ELOA: variants seen among roughly 807,000 people sequenced by gnomAD.
The protein encoded by ELOA is elongin-A.
A neutral mutation model predicts 85.2 loss-of-function variants in ELOA; 15 were observed. The ratio of observed to expected loss-of-function variants is 0.18; its 90% CI spans 0.12 to 0.27. The LOEUF (loss-of-function observed/expected upper bound fraction) is 0.27, where lower values mean the gene tolerates loss of function less well. Ranked by LOEUF, ELOA falls within the 10% of genes least tolerant of loss-of-function variation. ELOA has a pLI of 1.00. For missense variants in ELOA, 769 were observed against 952.7 expected (o/e 0.81, Z 2.54); for synonymous variants, 348 against 357.2 (o/e 0.97, Z 0.29).
chr1:23,759,141 G>C (rs1314215437), intron 10 of ELOA, among the ~76,000 whole-genome samples: 3 of 152,228 alleles, frequency 2.0e-5, no homozygotes, highest in Non-Finnish European at 4.4e-5. Context: ...CTGTGATTGT[G>C]CCAATGCACC....
chr1:23,758,249 T>TTC, intron 10 of ELOA, among the ~76,000 whole-genome samples: 1 of 55,848 alleles, frequency 1.8e-5, no homozygotes, highest in Non-Finnish European at 3.1e-5. Flanking sequence ...GTCTTCCAAT[T>TTC]TATTTATTTA....
chr1:23,758,247 A>ATTTT lies in ELOA; in HGVS notation c.2257+1125_2257+1126insTTTT, dbSNP rs1338294015. On this transcript the variant is annotated intron_variant, in intron 10 of 10. Transcript: ENST00000613537. ...TCTTTATATCTAATTGGGTCTTCCA[A>ATTTT]TTTATTTATTTATTTTTTTTTTTTT... is the stretch of plus-strand genomic sequence containing the variant. Among the ~76,000 whole-genome samples, 16 of 56,778 alleles carry ATTTT rather than the reference A, an allele frequency of 2.8e-4. 1 individual carries two copies. The highest frequency in any genetic ancestry group is 7.1e-4 in the East Asian group (1 of 1,406). The allele number at this position is 56,778 out of a possible 152,430, so 37.2% of individuals were successfully genotyped here.
rs141891528 is a variant in ELOA at position 23,752,000 on chromosome 1, G to A, written c.1395G>A (p.Pro465=). The change falls in exon 4 of 11, where the codon CCG becomes CCA. Residue 465 remains proline (P), a synonymous_variant. Transcript: ENST00000613537. Reference sequence around the variant, plus strand: ...TGAACAAAACCAAGTCAGAGAAGCCGGCTGGAGCTGATTTAGCCAAGCTGA... The same window carrying A: ...TGAACAAAACCAAGTCAGAGAAGCCAGCTGGAGCTGATTTAGCCAAGCTGA... ...PKVNKTKSEK[P]AGADLAKLRK... The A allele has an allele frequency of 2.8e-4, 454 of 1,603,350 alleles. 2 individuals are homozygous for A. The African/African-American group carries it at 5.0e-3, about 18-fold the overall frequency.
At chr1:23,749,161 A>G (rs1490060119) in intron 2 of ELOA, 84 bp downstream of exon 2, 19 of 1,234,338 alleles carry the variant, frequency 1.5e-5, no homozygotes, top group Middle Eastern at 3.7e-4. Context: ...GGTTACAAGT[A>G]TGGGCTTTGG....
intron 1 of ELOA, among the ~76,000 whole-genome samples, chr1:23,747,267 T>C (rs533334499): frequency 6.6e-6 from 1 of 152,384 alleles, no homozygotes; most frequent in African/African-American, 2.4e-5. Flanking sequence ...TGCCGCTCTA[T>C]TTTCATTTCC....
chr1:23,744,183 C>T (rs766916847), intron 1 of ELOA: 1 of 152,260 alleles, frequency 6.6e-6, no homozygotes, highest in African/African-American at 2.4e-5. Flanking sequence ...TAAGCATACT[C>T]CTGAAAACTT....
intron 9 of ELOA, 133 bp from the exon 10 acceptor site, chr1:23,756,820 T>G: frequency 1.2e-6 from 1 of 822,826 alleles, no homozygotes; most frequent in South Asian, 2.8e-5. Context: ...ACCACCAGAA[T>G]CCAGGGTGAT....
chr1:23,757,183 A>C, intron 10 of ELOA, 58 bp downstream of exon 10: 1 of 1,479,140 alleles, frequency 6.8e-7, no homozygotes, highest in African/African-American at 1.4e-5. Context: ...TTAACTCTCA[A>C]TGTCATTATT....
In ELOA at chr1:23,759,671, T is replaced by C; in HGVS notation, c.*98T>C. 1.4e-6 allele frequency: 2 copies of C among 1,430,830 alleles called. No individual in the cohort carries two copies. The highest frequency in any genetic ancestry group is 2.0e-6 in the Non-Finnish European group (2 of 1,020,380). The allele number at this position is 1,430,830 out of a possible 1,614,324, so 88.6% of individuals were successfully genotyped here. On this transcript the variant is annotated 3_prime_UTR_variant, in exon 11 of 11. Transcript: ENST00000613537. ...TTCTACAGGAGACTGGAGTCTTGCTTTGTGGATCCTTTTGGTCTCCGAGTC... is the reference window on the plus strand; with the variant it reads ...TTCTACAGGAGACTGGAGTCTTGCTCTGTGGATCCTTTTGGTCTCCGAGTC...
intron 10 of ELOA, among the ~76,000 whole-genome samples, chr1:23,757,736 C>T (rs1036119948): frequency 1.3e-5 from 2 of 151,422 alleles, no homozygotes; most frequent in Admixed American, 6.6e-5. Flanking sequence ...CCTGACCTCG[C>T]GATCTGCCCG....
intron 9 of ELOA, 73 bp from the exon 10 acceptor site, chr1:23,756,880 C>A: frequency 7.2e-7 from 1 of 1,398,338 alleles, no homozygotes; most frequent in South Asian, 1.8e-5. Flanking sequence ...CTCACACAGG[C>A]CAGCTTCAGG....
Position 23,751,192 on chromosome 1 carries a change from C to A in ELOA, c.587C>A (p.Ser196Tyr). 6.2e-7 allele frequency: 1 copy of A among 1,614,210 alleles called. No homozygotes were observed. Among genetic ancestry groups the A allele is most frequent in the Non-Finnish European group, 8.5e-7 (1 of 1,180,044 alleles). The part of the protein sequence containing the change: ...PHQMYVDHYR[S>Y]LEEDQEPIVS... Reference sequence around the variant, plus strand: ...CAGATGTACGTCGACCACTACAGATCCCTGGAGGAGGACCAGGAGCCCATT... The same window carrying A: ...CAGATGTACGTCGACCACTACAGATACCTGGAGGAGGACCAGGAGCCCATT... The change falls in exon 4 of 11, where the codon TCC becomes TAC. Residue 196 changes from serine (S) to tyrosine (Y), a missense_variant. By Grantham distance (144) the Ser-to-Tyr change is moderately radical (BLOSUM62 -2). Around this residue, in one of 4 missense-constraint regions of ELOA, gnomAD observed 440 missense variants for 474.0 expected, o/e 0.93. Coordinates refer to ENST00000613537, the MANE Select transcript of ELOA (RefSeq NM_003198.3).
intron 1 of ELOA, among the ~76,000 whole-genome samples, chr1:23,748,763 G>A (rs1644757279): frequency 1.3e-5 from 2 of 152,072 alleles, no homozygotes; most frequent in Admixed American, 6.6e-5. Flanking sequence ...ATTTCCCCTT[G>A]GTGTAGCACA....
At chr1:23,745,453 C>A (rs771475632) in intron 1 of ELOA, among the ~76,000 whole-genome samples, 1 of 150,870 alleles carries the variant, frequency 6.6e-6, no homozygotes, top group East Asian at 1.9e-4. Context: ...AGTTGATTTG[C>A]ATGAAATACA....
At chr1:23,752,284 G>T in intron 4 of ELOA, 123 bp from the exon 5 acceptor site, 1 of 927,456 alleles carries the variant, frequency 1.1e-6, no homozygotes, top group African/African-American at 1.7e-5. Context: ...ACATGACTGT[G>T]GCCCCCTCCA....
rs576174328 is a variant in ELOA at position 23,744,999 on chromosome 1, G to A, written c.75+1421G>A. Among the ~76,000 whole-genome samples, 4 of 152,286 alleles carry A rather than the reference G, an allele frequency of 2.6e-5. No homozygotes were observed. The South Asian group carries it at 8.3e-4, about 32-fold the overall frequency. On this transcript the variant is annotated intron_variant, in intron 1 of 10. Transcript: ENST00000613537. Reference sequence around the variant, plus strand: ...CTTTACCTTGTTCTAGCCTGTTGGAGGTAGGGTTTCTGCAATTCCAAAGGC... The same window carrying A: ...CTTTACCTTGTTCTAGCCTGTTGGAAGTAGGGTTTCTGCAATTCCAAAGGC...
In ELOA at chr1:23,754,470, C is replaced by G. The variant is rs757885330; in HGVS notation, c.1791+10C>G. On this transcript the variant is annotated intron_variant, in intron 7 of 10. Transcript: ENST00000613537. Reference sequence around the variant, plus strand: ...AGAGGAATACAATCATGTGAGTATTCTGTTTGGGTGGGAAGAGGGCAGTTT... The same window carrying G: ...AGAGGAATACAATCATGTGAGTATTGTGTTTGGGTGGGAAGAGGGCAGTTT... 6.2e-7 allele frequency: 1 copy of G among 1,611,878 alleles called. No homozygotes were observed. Among genetic ancestry groups the G allele is most frequent in the Non-Finnish European group, 8.5e-7 (1 of 1,178,034 alleles).
rs776228044 is a variant in ELOA, at chr1:23,751,762, G to A, written c.1157G>A (p.Gly386Asp). ...ACTAATTTGGATAGAAAGTCACTGGGCTCCCTCCCTAAAGTTGAGGAGACA... is the reference window on the plus strand; with the variant it reads ...ACTAATTTGGATAGAAAGTCACTGGACTCCCTCCCTAAAGTTGAGGAGACA... ...VKTNLDRKSL[G>D]SLPKVEETDM... Residue 386 changes from glycine to aspartate, a missense_variant, in exon 4 of 11, where the codon GGC (glycine) becomes GAC (aspartate). Coordinates refer to ENST00000613537, the MANE Select transcript of ELOA (RefSeq NM_003198.3). The A allele has an allele frequency of 1.9e-6, 3 of 1,614,048 alleles. No homozygotes were observed. In the East Asian group the frequency reaches 6.7e-5, roughly 36 times the overall value.
At chr1:23,758,279 T>TTTTA (rs1638237745) in intron 10 of ELOA, among the ~76,000 whole-genome samples, 2 of 108,688 alleles carry the variant, frequency 1.8e-5, no homozygotes, top group African/African-American at 7.2e-5. Flanking sequence ...TTTTTTTTTT[T>TTTTA]TTTTTTTTTT....
Sources: gnomAD v4.1 joint callset for allele counts (sites outside exome capture counted in the v4.1 genomes callset) on GRCh38, gnomAD v4.1.1 for gene constraint, gnomAD v4.1.1 regional missense constraint, MANE v1.5 for transcripts, NCBI Gene and HGNC (gene_info 2026-07-23, HGNC 2026-07-21) for gene names.